The following SLC38A9 variants were observed in gnomAD, a reference collection of about 807,000 sequenced individuals.
SLC38A9 encodes the protein solute carrier family 38 member 9, also known as neutral amino acid transporter 9.
In SLC38A9, 48 loss-of-function variants were observed where a neutral mutation model predicts 62.3. The ratio of observed to expected loss-of-function variants is 0.77; its 90% confidence interval spans 0.61 to 0.98. The LOEUF is 0.98. SLC38A9 is among the 50% of genes least tolerant of loss of function. SLC38A9 has a pLI of 0.00. For missense variants in SLC38A9, 541 were observed against 679.8 expected (o/e 0.80, Z 2.27); for synonymous variants, 204 against 227.7 (o/e 0.90, Z 0.94).
At chr5:55,664,903 C>T (rs373056670) in intron 7 of SLC38A9, 40 bp from the exon 8 acceptor site, 7 of 1,314,124 alleles carry the variant, frequency 5.3e-6, no homozygotes, top group Non-Finnish European at 7.2e-6. Flanking sequence ...AAATGTTGAA[C>T]ATATATTCCA....
chr5:55,703,382 G>A (rs544909096), intron 2 of SLC38A9, among the ~76,000 whole-genome samples: 2 of 152,148 alleles, frequency 1.3e-5, no homozygotes, highest in African/African-American at 4.8e-5. Flanking sequence ...TAATAGATCA[G>A]TGTAAAATTT....
At chr5:55,680,073 T>C (rs1247741875) in intron 3 of SLC38A9, among the ~76,000 whole-genome samples, 5 of 152,184 alleles carry the variant, frequency 3.3e-5, no homozygotes, top group African/African-American at 1.2e-4. Flanking sequence ...TTAATAAAAT[T>C]TCCAGTTTCA....
chr5:55,642,428 A>G (rs1183245440), intron 12 of SLC38A9, among the ~76,000 whole-genome samples: 2 of 152,216 alleles, frequency 1.3e-5, no homozygotes, highest in Non-Finnish European at 2.9e-5. Context: ...TGACACTTCA[A>G]TAAGATTGTG....
At chr5:55,653,351 C>G (rs764597885) in intron 9 of SLC38A9, among the ~76,000 whole-genome samples, 7 of 152,140 alleles carry the variant, frequency 4.6e-5, no homozygotes, top group Non-Finnish European at 1.0e-4. Context: ...AGAGAAAATA[C>G]TGGGCTGGAT....
chr5:55,688,019 A>G (rs934486469), intron 3 of SLC38A9, among the ~76,000 whole-genome samples: 12 of 152,008 alleles, frequency 7.9e-5, no homozygotes, highest in African/African-American at 2.7e-4. Flanking sequence ...TTTTGTAGCA[A>G]TTGTGAATGG....
chr5:55,687,785 G>A (rs1245490589), intron 3 of SLC38A9, among the ~76,000 whole-genome samples: 3 of 151,996 alleles, frequency 2.0e-5, no homozygotes, highest in Non-Finnish European at 4.4e-5. Context: ...TGCAACCTCC[G>A]CCTCTTGGGT....
intron 12 of SLC38A9, among the ~76,000 whole-genome samples, chr5:55,636,135 C>A (rs945194272): frequency 3.9e-5 from 6 of 151,938 alleles, no homozygotes; most frequent in Admixed American, 2.0e-4. Flanking sequence ...GCAGAACATA[C>A]TAAAATATAT....
At chr5:55,710,691 C>T (rs1483811663) in intron 2 of SLC38A9, among the ~76,000 whole-genome samples, 4 of 151,992 alleles carry the variant, frequency 2.6e-5, no homozygotes, top group Non-Finnish European at 4.4e-5. Flanking sequence ...TCTCAGCTCA[C>T]TGCAACCTCC....
In SLC38A9 at chr5:55,694,287, TC is replaced by T. The variant is rs1416788529; in HGVS notation, c.113+3558del. 6 of 177,916 alleles carry T rather than the reference TC, an allele frequency of 3.4e-5. No individual in the cohort carries two copies. The East Asian group carries it at 7.7e-4, about 23-fold the overall frequency. The allele number at this position is 177,916 out of a possible 1,614,324, so 11.0% of individuals were successfully genotyped here. On this transcript the variant is annotated intron_variant, in intron 3 of 15. Transcript: ENST00000396865. Reference sequence around the variant, plus strand: ...CTGATGGCATGACAGGTAACTGCCATCCGTGGTCATGTCAGACAAACCATTT... The same window carrying T: ...CTGATGGCATGACAGGTAACTGCCATCGTGGTCATGTCAGACAAACCATTT...
chr5:55,701,635 G>C (rs1214522171), intron 2 of SLC38A9, among the ~76,000 whole-genome samples: 1 of 152,192 alleles, frequency 6.6e-6, no homozygotes, highest in Non-Finnish European at 1.5e-5. Flanking sequence ...AGGGTAATAA[G>C]GAATTTGGCC....
chr5:55,627,315 G>C (rs958439132), intron 15 of SLC38A9, among the ~76,000 whole-genome samples: 9 of 152,066 alleles, frequency 5.9e-5, no homozygotes, highest in African/African-American at 1.9e-4. Flanking sequence ...TCCATAGTAA[G>C]AGAAATCAGA....
intron 9 of SLC38A9, among the ~76,000 whole-genome samples, chr5:55,653,362 G>T (rs534194245): frequency 6.0e-4 from 91 of 152,232 alleles, no homozygotes; most frequent in African/African-American, 2.1e-3. Context: ...TGGGCTGGAT[G>T]GTATTTGGTC....
rs752721116 is a variant in SLC38A9 at position 55,635,626 on chromosome 5, A to G, written c.1199T>C (p.Val400Ala). Reference sequence around the variant, plus strand: ...TCCAATATAGAGATAAGTTAATGTCACCAGCATATAAGCAATGCACAAGTC... The same window carrying G: ...TCCAATATAGAGATAAGTTAATGTCGCCAGCATATAAGCAATGCACAAGTC... ...VRDLCIAYML[V>A]TLTYLYIGVL... The change falls in exon 13 of 16, where the codon GTG becomes GCG. Residue 400 changes from valine (V) to alanine (A), a missense_variant. Physicochemically the swap from Val to Ala is moderately conservative, Grantham distance 64 (BLOSUM62 0). Transcript: ENST00000396865. 1.6e-5 allele frequency: 26 copies of G among 1,613,750 alleles called. No individual in the cohort carries two copies. Among genetic ancestry groups the G allele is most frequent in the Middle Eastern group, 1.6e-4 (1 of 6,080 alleles).
At chr5:55,676,175 T>C (rs1752054084) in intron 3 of SLC38A9, among the ~76,000 whole-genome samples, 1 of 152,128 alleles carries the variant, frequency 6.6e-6, no homozygotes, top group Non-Finnish European at 1.5e-5. Flanking sequence ...TCTTTCTTTC[T>C]TACTTTCTTT....
At chr5:55,691,236 TAA>T (rs1314402327) in intron 3 of SLC38A9, 18 of 1,105,220 alleles carry the variant, frequency 1.6e-5, no homozygotes, top group Non-Finnish European at 2.4e-5. Flanking sequence ...TGTAATAGAC[TAA>T]GTCTCTGACA....
intron 14 of SLC38A9, among the ~76,000 whole-genome samples, chr5:55,630,425 C>A (rs571866016): frequency 1.9e-4 from 29 of 152,174 alleles, no homozygotes; most frequent in African/African-American, 6.5e-4. Context: ...TCAAGCAATT[C>A]TCCTACCTCA....
At chr5:55,701,033 G>A (rs1460523912) in intron 2 of SLC38A9, among the ~76,000 whole-genome samples, 1 of 152,080 alleles carries the variant, frequency 6.6e-6, no homozygotes, top group African/African-American at 2.4e-5. Context: ...CCACTAGTTA[G>A]GTGTGGCTAC....
chr5:55,706,168 T>G (rs1757271239), intron 2 of SLC38A9, among the ~76,000 whole-genome samples: 1 of 152,196 alleles, frequency 6.6e-6, no homozygotes, highest in African/African-American at 2.4e-5. Flanking sequence ...AGGCTCAATA[T>G]TTCCTTACCC....
intron 8 of SLC38A9, among the ~76,000 whole-genome samples, chr5:55,661,829 T>C (rs1276225235): frequency 6.6e-6 from 1 of 152,172 alleles, no homozygotes; most frequent in Non-Finnish European, 1.5e-5. Context: ...AGAGTTCCTA[T>C]AGGTAAGAAA....
Sources: allele counts gnomAD v4.1 joint callset (sites outside exome capture counted in the v4.1 genomes callset), GRCh38; gene constraint gnomAD v4.1.1; transcripts MANE v1.5; gene names NCBI Gene and HGNC (gene_info 2026-07-23, HGNC 2026-07-21).